The following ABLIM2 variants were observed in gnomAD, a reference collection of about 807,000 sequenced individuals.
The protein encoded by ABLIM2 is actin binding LIM protein family member 2, also known as actin-binding LIM protein 2.
Under a neutral mutation model 97.7 loss-of-function variants are expected in ABLIM2, and 53 were observed. The ratio of observed to expected loss-of-function variants is 0.54; its 90% CI spans 0.44 to 0.68. The LOEUF (loss-of-function observed/expected upper bound fraction) is 0.68, where lower values mean the gene tolerates loss of function less well. ABLIM2 is among the 30% of genes least tolerant of loss of function. The pLI is 0.00. For synonymous variants in ABLIM2, 361 were observed against 345.8 expected (o/e 1.04, Z -0.49); for missense variants, 835 against 867.2 (o/e 0.96, Z 0.47).
intron 5 of ABLIM2, among the ~76,000 whole-genome samples, chr4:8,079,899 C>T (rs189811781): frequency 1.4e-4 from 21 of 152,310 alleles, no homozygotes; most frequent in Non-Finnish European, 2.5e-4. Flanking sequence ...GGCCAGAAGA[C>T]CCTCTAGCTC....
At chr4:8,078,148 G>A (rs78677342) in intron 5 of ABLIM2, among the ~76,000 whole-genome samples, 1 of 152,198 alleles carries the variant, frequency 6.6e-6, no homozygotes, top group East Asian at 1.9e-4. Context: ...GCTGGAGAAT[G>A]ACAGAAAGCC....
In ABLIM2 at chr4:8,021,849, A is replaced by G. The variant is rs1773943818; in HGVS notation, c.1268-1546T>C. Among the ~76,000 whole-genome samples, 2 of 152,212 alleles carry G rather than the reference A, an allele frequency of 1.3e-5. No homozygotes were observed. The highest frequency in any genetic ancestry group is 2.1e-4 in the South Asian group (1 of 4,834). The stretch of plus-strand genomic sequence containing the variant: ...TGTCAATGCTGATGGAGCGTCAGAT[A>G]ACTGCCCTTCCCTTAGCAACCTCCC... On this transcript the variant is annotated intron_variant, in intron 12 of 20. Coordinates refer to ENST00000447017, the MANE Select transcript of ABLIM2 (RefSeq NM_001130083.2). This position sits in a 1 kb window ranked among gnomAD's most constrained non-coding sequence, Gnocchi z 5.5.
intron 14 of ABLIM2, among the ~76,000 whole-genome samples, chr4:8,018,453 C>T (rs1224294597): frequency 4.6e-5 from 7 of 152,208 alleles, no homozygotes; most frequent in East Asian, 1.9e-4. Context: ...TAGCCCATCC[C>T]GCTCTGATCC....
intron 9 of ABLIM2, among the ~76,000 whole-genome samples, chr4:8,039,875 T>TTTTTTG (rs1560862369): frequency 8.5e-5 from 4 of 47,260 alleles, no homozygotes; most frequent in African/African-American, 6.2e-4. Context: ...CTGATTACTG[T>TTTTTTG]TTTTTTTTTT....
rs967929504 is a variant in ABLIM2, at chr4:8,043,946, A to T, written c.900+1218T>A. On this transcript the variant is annotated intron_variant, in intron 9 of 20. Coordinates refer to ENST00000447017, the MANE Select transcript of ABLIM2 (RefSeq NM_001130083.2). The surrounding 1 kb of genome is among the most constrained non-coding windows in gnomAD (Gnocchi z 4.8). ...GGCATGCAGCCAACCTGGTGCCTTC[A>T]TGCGCCCGCCTAAGCTTCAGAGTGC... 6.6e-6 allele frequency among the ~76,000 whole-genome samples: 1 copy of T among 151,978 alleles called. No individual in the cohort carries two copies. Among genetic ancestry groups the T allele is most frequent in the Non-Finnish European group, 1.5e-5 (1 of 67,986 alleles).
Position 8,095,004 on chromosome 4 carries a change from TTCTTTC to T in ABLIM2, c.338+2089_338+2094del, listed in dbSNP as rs1288166774. ...TCTTTCTCTTTCTTTTCCTTTTTCT[TTCTTTC>T]TCTCTCTCTCTCCCCCCACTTCTTT... On this transcript the variant is annotated intron_variant, in intron 3 of 20. Transcript: ENST00000447017. This position sits in a 1 kb window ranked among gnomAD's most constrained non-coding sequence, Gnocchi z 4.7. Among the ~76,000 whole-genome samples, 7 of 127,284 alleles carry T rather than the reference TTCTTTC, an allele frequency of 5.5e-5. No individual in the cohort carries two copies. Among genetic ancestry groups the T allele is most frequent in the Non-Finnish European group, 8.4e-5 (5 of 59,658 alleles). The allele number at this position is 127,284 out of a possible 152,430, so 83.5% of individuals were successfully genotyped here. A position where few individuals can be genotyped will look rare whatever the true frequency, so the allele number is the denominator to read the frequency against.
At chr4:7,978,530 C>A (rs566062924) in intron 20 of ABLIM2, among the ~76,000 whole-genome samples, 1 of 152,220 alleles carries the variant, frequency 6.6e-6, no homozygotes, top group Admixed American at 6.5e-5. Context: ...GGCCCCTGGA[C>A]GCTGCTGCTG....
intron 20 of ABLIM2, among the ~76,000 whole-genome samples, chr4:7,967,818 C>A (rs189552451): frequency 1.3e-5 from 2 of 152,348 alleles, no homozygotes; most frequent in Admixed American, 1.3e-4. Context: ...GAGCCCACAC[C>A]CTGGAGCTGT....
intron 4 of ABLIM2, among the ~76,000 whole-genome samples, chr4:8,086,831 TA>T (rs111446653): frequency 1.4e-3 from 206 of 144,286 alleles, no homozygotes; most frequent in Middle Eastern, 3.6e-3. Context: ...ACGTTTACAT[TA>T]AAAAAAAAAA....
rs949476261 is a variant in ABLIM2 at position 8,149,238 on chromosome 4, G to A, written c.10+9442C>T. Among the ~76,000 whole-genome samples the A allele has an allele frequency of 3.9e-4, 60 of 152,138 alleles. No individual in the cohort carries two copies. Among genetic ancestry groups the A allele is most frequent in the African/African-American group, 1.4e-3 (56 of 41,430 alleles). On this transcript the variant is annotated intron_variant, in intron 1 of 20. Transcript: ENST00000447017. The surrounding 1 kb of genome is among the most constrained non-coding windows in gnomAD (Gnocchi z 6.4). ...GCCTCCCGTTAGCGAGAAGCCTCAG[G>A]CCCCCTGAAATCCAGAGCAGTCTCC...
In ABLIM2 at chr4:8,132,095, G is replaced by C. The variant is rs1437903147; in HGVS notation, c.11-25458C>G. Among the ~76,000 whole-genome samples the C allele has an allele frequency of 2.7e-5, 4 of 150,940 alleles. No homozygotes were observed. Among genetic ancestry groups the C allele is most frequent in the Admixed American group, 2.6e-4 (4 of 15,236 alleles). ...GGGGTGCCTGGACATCCCTCCGTGG[G>C]GTGTGGTGTACTAGCGGGATGGCTC... On this transcript the variant is annotated intron_variant, in intron 1 of 20. Coordinates refer to ENST00000447017, the MANE Select transcript of ABLIM2 (RefSeq NM_001130083.2). The surrounding 1 kb of genome is among the most constrained non-coding windows in gnomAD (Gnocchi z 8.0).
intron 16 of ABLIM2, among the ~76,000 whole-genome samples, chr4:7,997,955 C>G (rs1316517773): frequency 6.6e-6 from 1 of 151,764 alleles, no homozygotes; most frequent in East Asian, 1.9e-4. Context: ...CATCTCGGCT[C>G]ACCACAACCT....
At position 8,033,365 on chromosome 4, in the gene ABLIM2, C is replaced by T. The variant is rs1332932201; in HGVS notation, c.1047+2784G>A. ...TATTACAGCGCAATAACTCGACGGC[C>T]TCTGGGAGGCTGCCACGGGCCCTGT... On this transcript the variant is annotated intron_variant, in intron 10 of 20. Transcript: ENST00000447017. This position sits in a 1 kb window ranked among gnomAD's most constrained non-coding sequence, Gnocchi z 4.5. Among the ~76,000 whole-genome samples, 1 of 152,214 alleles carries T rather than the reference C, an allele frequency of 6.6e-6. No individual in the cohort carries two copies. Among genetic ancestry groups the T allele is most frequent in the Non-Finnish European group, 1.5e-5 (1 of 68,032 alleles).
In ABLIM2 at chr4:7,966,928, T is replaced by G. The variant is rs2149284379; in HGVS notation, c.*62A>C. 5.4e-6 allele frequency: 5 copies of G among 925,194 alleles called. No homozygotes were observed. Among genetic ancestry groups the G allele is most frequent in the African/African-American group, 2.1e-5 (1 of 47,948 alleles). 57.3% of individuals were successfully genotyped at this position (925,194 alleles called of 1,614,324 possible). ...AGGTGTGTGGGAGGGGTGTGTGCGG[T>G]TCTCGCCAGGGGCCCCTGGCCTCGG... is the stretch of plus-strand genomic sequence containing the variant. On this transcript the variant is annotated 3_prime_UTR_variant, in exon 21 of 21. Transcript: ENST00000447017.
rs1255691364 is a variant in ABLIM2, at chr4:8,122,163, A to G, written c.11-15526T>C. ...CCCACTCCTCCCCAGGCCTTTGAAG[A>G]TGGGGCCACAGCCTTGACCTGGAGA... On this transcript the variant is annotated intron_variant, in intron 1 of 20. Coordinates refer to ENST00000447017, the MANE Select transcript of ABLIM2 (RefSeq NM_001130083.2). The surrounding 1 kb of genome is among the most constrained non-coding windows in gnomAD (Gnocchi z 4.1). Among the ~76,000 whole-genome samples the G allele has an allele frequency of 6.6e-6, 1 of 152,140 alleles. No homozygotes were observed.
At chr4:7,976,926 TAC>T (rs1427602466) in intron 20 of ABLIM2, among the ~76,000 whole-genome samples, 2 of 149,342 alleles carry the variant, frequency 1.3e-5, no homozygotes, top group African/African-American at 2.5e-5. Flanking sequence ...CATACACACA[TAC>T]ACACATATCC....
intron 14 of ABLIM2, among the ~76,000 whole-genome samples, chr4:8,011,874 GA>G (rs1259790574): frequency 6.6e-6 from 1 of 152,104 alleles, no homozygotes; most frequent in Non-Finnish European, 1.5e-5. Flanking sequence ...TCTGGATACA[GA>G]ACTGGCCTGC....
chr4:8,042,063 G>A (rs758715100), intron 9 of ABLIM2, among the ~76,000 whole-genome samples: 2 of 152,182 alleles, frequency 1.3e-5, no homozygotes, highest in African/African-American at 2.4e-5. Flanking sequence ...AAATGTTGGC[G>A]CTCAGAAAAC....
chr4:8,102,182 G>C (rs1014326294), intron 2 of ABLIM2, among the ~76,000 whole-genome samples: 1 of 152,204 alleles, frequency 6.6e-6, no homozygotes, highest in Admixed American at 6.5e-5. Context: ...TTCTGCTTCA[G>C]CCACATGGGC....
Sources: allele counts gnomAD v4.1 joint callset (sites outside exome capture counted in the v4.1 genomes callset), GRCh38; gene constraint gnomAD v4.1.1; non-coding constraint Gnocchi (gnomAD v3.1); transcripts MANE v1.5; gene names NCBI Gene and HGNC (gene_info 2026-07-23, HGNC 2026-07-21).